C2orf66: variants seen among roughly 807,000 people sequenced by gnomAD.
C2orf66 encodes the protein uncharacterized protein C2orf66.
In C2orf66, 6 loss-of-function variants were observed where a neutral mutation model predicts 7.0. The observed-to-expected ratio is 0.86, with a 90% confidence interval of 0.47 to 1.69. C2orf66 has a LOEUF of 1.69. C2orf66 is among the 40% of genes most tolerant of loss of function. The pLI, the probability that C2orf66 is intolerant of heterozygous loss-of-function variation, is 0.01. For missense variants in C2orf66, 107 were observed against 112.0 expected (o/e 0.96, Z 0.20); for synonymous variants, 38 against 43.8 (o/e 0.87, Z 0.52).
the C2orf66 span, among the ~76,000 whole-genome samples, chr2:196,817,694 T>C: frequency 6.6e-6 from 1 of 152,144 alleles, no homozygotes; most frequent in Admixed American, 6.5e-5. Context: ...TTATCTCAAC[T>C]GCATAAGACA....
upstream of C2orf66, among the ~76,000 whole-genome samples, chr2:196,814,319 G>A (rs1040108533): frequency 1.3e-5 from 2 of 152,064 alleles, no homozygotes; most frequent in Non-Finnish European, 1.5e-5. Flanking sequence ...AACTAACACA[G>A]GAACAGAAAA....
At chr2:196,826,031 A>C in the C2orf66 span, among the ~76,000 whole-genome samples, 1 of 152,146 alleles carries the variant, frequency 6.6e-6, no homozygotes, top group Non-Finnish European at 1.5e-5. Flanking sequence ...GCTTAAAAAC[A>C]CTCCTCCCAA....
upstream of C2orf66, among the ~76,000 whole-genome samples, chr2:196,811,510 G>A (rs76127518): frequency 4.5e-3 from 692 of 152,242 alleles, 17 homozygotes; most frequent in East Asian, 0.047. Flanking sequence ...GGGGAGGGGG[G>A]CTAAGGAGAT....
At chr2:196,808,918 GGC>G (rs1439131247) in intron 1 of C2orf66, among the ~76,000 whole-genome samples, 2 of 152,102 alleles carry the variant, frequency 1.3e-5, no homozygotes, top group Admixed American at 1.3e-4. Flanking sequence ...TAGAAATCAA[GGC>G]TACAAAGTCA....
At chr2:196,825,222 CAAAAAAAAA>C in the C2orf66 span, among the ~76,000 whole-genome samples, 1 of 54,304 alleles carries the variant, frequency 1.8e-5, no homozygotes, top group African/African-American at 6.9e-5. Context: ...GACTCTGTCT[CAAAAAAAAA>C]AAAAAAAAAA....
At chr2:196,827,067 C>G in the C2orf66 span, among the ~76,000 whole-genome samples, 1 of 151,206 alleles carries the variant, frequency 6.6e-6, no homozygotes, top group African/African-American at 2.4e-5. Context: ...CAAAACAAAG[C>G]AATTGAGCCT....
chr2:196,828,265 C>T, the C2orf66 span, among the ~76,000 whole-genome samples: 9 of 151,286 alleles, frequency 5.9e-5, no homozygotes, highest in East Asian at 1.7e-3. Flanking sequence ...CACACACACA[C>T]ACACACACAC....
the C2orf66 span, among the ~76,000 whole-genome samples, chr2:196,822,205 G>A: frequency 1.1e-4 from 17 of 151,732 alleles, no homozygotes; most frequent in East Asian, 2.7e-3. Context: ...GAGCCACTGC[G>A]CCCGGCCACA....
chr2:196,829,456 G>T, the C2orf66 span, among the ~76,000 whole-genome samples: 1 of 152,094 alleles, frequency 6.6e-6, no homozygotes, highest in Non-Finnish European at 1.5e-5. Context: ...GGGCATGGTG[G>T]CAGACGCCTG....
the C2orf66 span, among the ~76,000 whole-genome samples, chr2:196,828,834 T>A: frequency 3.9e-3 from 588 of 152,236 alleles, 2 homozygotes; most frequent in African/African-American, 0.013. Context: ...AACAGGGACC[T>A]CAGCCCTAGG....
At position 196,806,391 on chromosome 2, in the gene C2orf66, G is replaced by T. The variant is rs377054098; in HGVS notation, c.*20-983C>A. On this transcript the variant is annotated intron_variant, in intron 2 of 2. Coordinates refer to ENST00000342506, the MANE Select transcript of C2orf66 (RefSeq NM_213608.3). The stretch of plus-strand genomic sequence containing the variant: ...TTTTTGTATTTTTAGTAGAGATGGG[G>T]TTTCACCGTGTTAGCCAGGACGGTC... Among the ~76,000 whole-genome samples, 20 of 151,894 alleles carry T rather than the reference G, an allele frequency of 1.3e-4. No homozygotes were observed. In the East Asian group the frequency reaches 2.4e-3, roughly 18 times the overall value.
chr2:196,815,921 T>C, the C2orf66 span, among the ~76,000 whole-genome samples: 1 of 152,184 alleles, frequency 6.6e-6, no homozygotes, highest in African/African-American at 2.4e-5. Flanking sequence ...ATAGGAAAAT[T>C]ATTATTTATA....
Position 196,809,292 on chromosome 2 carries a change from C to A in C2orf66, c.45G>T (p.Leu15=), listed in dbSNP as rs775362191. ...PLLLLCVALV[L]LGHVNGATVR... is the part of the protein sequence containing the mutation. ...CTGTGGCTCCATTCACATGCCCAAGCAGCACCAGGGCAACACATAGTAGCA... is the reference window on the plus strand; with the variant it reads ...CTGTGGCTCCATTCACATGCCCAAGAAGCACCAGGGCAACACATAGTAGCA... The change falls in exon 1 of 3, where the codon CTG becomes CTT. Residue 15 remains leucine, a synonymous_variant. Coordinates refer to ENST00000342506, the MANE Select transcript of C2orf66 (RefSeq NM_213608.3). The A allele has an allele frequency of 6.2e-7, 1 of 1,614,096 alleles. No individual in the cohort carries two copies. Among genetic ancestry groups the A allele is most frequent in the Non-Finnish European group, 8.5e-7 (1 of 1,179,974 alleles).
chr2:196,819,743 G>A, the C2orf66 span, among the ~76,000 whole-genome samples: 3 of 152,066 alleles, frequency 2.0e-5, no homozygotes, highest in Non-Finnish European at 2.9e-5. Context: ...AAATGTTTAT[G>A]GAATTAAAAA....
chr2:196,820,663 G>A, the C2orf66 span, among the ~76,000 whole-genome samples: 1 of 152,196 alleles, frequency 6.6e-6, no homozygotes, highest in Admixed American at 6.5e-5. Context: ...ATGTTACTTA[G>A]TATAAATCTA....
upstream of C2orf66, among the ~76,000 whole-genome samples, chr2:196,811,166 C>T (rs759050462): frequency 2.0e-5 from 3 of 152,022 alleles, no homozygotes; most frequent in African/African-American, 4.8e-5. Flanking sequence ...TTATGCCAGG[C>T]GTAGAGGGAG....
chr2:196,811,402 G>C (rs910832730), upstream of C2orf66, among the ~76,000 whole-genome samples: 1 of 152,206 alleles, frequency 6.6e-6, no homozygotes, highest in African/African-American at 2.4e-5. Flanking sequence ...GGCAGGAAAA[G>C]ATGTTAACTT....
chr2:196,827,825 A>G, the C2orf66 span, among the ~76,000 whole-genome samples: 1 of 152,182 alleles, frequency 6.6e-6, no homozygotes, highest in African/African-American at 2.4e-5. Context: ...ACCTCACAGA[A>G]CTATTCCATA....
At chr2:196,809,988 A>C, upstream of C2orf66, 1 of 152,224 alleles carries the variant, frequency 6.6e-6, no homozygotes, top group East Asian at 1.9e-4. Flanking sequence ...ACTTATAACC[A>C]ATGGATTGGG....
Sources: gnomAD v4.1 joint callset for allele counts (sites outside exome capture counted in the v4.1 genomes callset) on GRCh38, gnomAD v4.1.1 for gene constraint, MANE v1.5 for transcripts, NCBI Gene and HGNC (gene_info 2026-07-23, HGNC 2026-07-21) for gene names.